Variants in UPF3B observed in about 807,000 individuals in gnomAD.
The protein encoded by UPF3B is regulator of nonsense transcripts 3B.
UPF3B carries 7 observed loss-of-function variants against 40.3 expected under a neutral mutation model. The ratio of observed to expected loss-of-function variants is 0.17; its 90% CI spans 0.10 to 0.33. The LOEUF is 0.33. Among genes scored for constraint, UPF3B ranks in the 10% least tolerant of loss-of-function variants. The probability of loss-of-function intolerance (pLI) is 1.00; values close to 1 mark genes in which losing one functional copy is unlikely to be tolerated. For synonymous variants in UPF3B, 117 were observed against 117.3 expected (o/e 1.00, Z 0.01); for missense variants, 229 against 358.9 (o/e 0.64, Z 2.93).
chrX:119,838,140 A>G, intron 9 of UPF3B, 89 bp from the exon 10 acceptor site: 1 of 1,114,597 alleles, frequency 9.0e-7, no homozygotes, highest in Non-Finnish European at 1.2e-6. Context: ...GGCCCCTGCA[A>G]TGAGGTTGCA....
At chrX:119,851,949 A>C in intron 1 of UPF3B, 76 bp from the exon 2 acceptor site, 1 of 696,566 alleles carries the variant, frequency 1.4e-6, no homozygotes, top group South Asian at 2.4e-5. Context: ...ACAGTTCCTG[A>C]AGAAGGCTGG....
chrX:119,840,862 T>C (rs2056152895), intron 7 of UPF3B, among the ~76,000 whole-genome samples, 178 bp from the exon 8 acceptor site: 2 of 111,996 alleles, frequency 1.8e-5, no homozygotes, highest in Non-Finnish European at 3.8e-5. Context: ...AGATCTGCAC[T>C]GAAGAAATAA....
chrX:119,828,078 G>C (rs761256873), intron 3 of UPF3B, among the ~76,000 whole-genome samples: 3 of 107,612 alleles, frequency 2.8e-5, no homozygotes, highest in Non-Finnish European at 5.8e-5. Context: ...TTTCGAGCCG[G>C]AGTCTCGCTC....
chrX:119,831,794 A>G (rs929453726), downstream of UPF3B: 1 of 584,127 alleles, frequency 1.7e-6, no homozygotes, highest in African/African-American at 2.5e-5. Flanking sequence ...TGTTACAACA[A>G]TGCTACTAAG....
intron 1 of UPF3B, among the ~76,000 whole-genome samples, 178 bp downstream of exon 1, chrX:119,852,595 G>A (rs1441460089): frequency 1.8e-5 from 2 of 112,545 alleles, no homozygotes; most frequent in Non-Finnish European, 3.8e-5. Flanking sequence ...CCAGGATTTG[G>A]CCGGGAGGGG....
At chrX:119,831,680 T>C (rs1293286132), downstream of UPF3B, 1 of 752,500 alleles carries the variant, frequency 1.3e-6, no homozygotes, top group African/African-American at 2.3e-5. Context: ...TGAGTATCTA[T>C]AGTTGGTGCT....
rs181870350 is a variant in UPF3B, at chrX:119,825,394, A to C, written c.393-2351T>G. Among the ~76,000 whole-genome samples, 361 of 111,739 alleles carry C rather than the reference A, an allele frequency of 3.2e-3. 1 individual carries two copies. The highest frequency in any genetic ancestry group is 5.5e-3 in the Non-Finnish European group (294 of 53,127). ...CTAGACACATGAGGATTACAATTCA[A>C]GATGAGATTTGGGTGGGTATACACA... is the stretch of plus-strand genomic sequence containing the variant. On this transcript the variant is annotated intron_variant, in intron 3 of 6. Transcript: ENST00000636792.
chrX:119,836,706 A>G (rs1375398152), intron 10 of UPF3B, among the ~76,000 whole-genome samples: 1 of 105,518 alleles, frequency 9.5e-6, no homozygotes, highest in East Asian at 3.0e-4. Context: ...GCTGGAGTGC[A>G]GTGACGCGAT....
In UPF3B at chrX:119,846,847, G is replaced by A. The variant is rs186608077; in HGVS notation, c.371-1551C>T. On this transcript the variant is annotated intron_variant, in intron 3 of 10. Coordinates refer to ENST00000276201, the MANE Select transcript of UPF3B (RefSeq NM_080632.3). Reference sequence around the variant, plus strand: ...CAACAGAGTGAAAAGGCAACCCATGGAATGGGAGAAATATTTGCAAATTAT... The same window carrying A: ...CAACAGAGTGAAAAGGCAACCCATGAAATGGGAGAAATATTTGCAAATTAT... Among the ~76,000 whole-genome samples the A allele has an allele frequency of 3.1e-3, 351 of 112,313 alleles. 3 individuals are homozygous for A. Among genetic ancestry groups the A allele is most frequent in the African/African-American group, 0.01 (325 of 31,066 alleles).
At position 119,823,589 on chromosome X, in the gene UPF3B, A is replaced by T. The variant is rs779753360; in HGVS notation, c.393-546T>A. Among the ~76,000 whole-genome samples, 15 of 82,630 alleles carry T rather than the reference A, an allele frequency of 1.8e-4. No individual in the cohort carries two copies. In the East Asian group the frequency reaches 6.0e-3, roughly 33 times the overall value. 71.8% of individuals were successfully genotyped at this position (82,630 alleles called of 115,157 possible). On this transcript the variant is annotated intron_variant, in intron 3 of 6. Coordinates refer to the UPF3B transcript ENST00000636792. ...TTTTTTTTTTTTTTGTCTGAGACAG[A>T]GTCTTGCTCTGTTGCCCAGACTGGA...
chrX:119,849,191 C>G (rs1343791561), intron 3 of UPF3B, among the ~76,000 whole-genome samples: 1 of 111,731 alleles, frequency 9.0e-6, no homozygotes, highest in African/African-American at 3.3e-5. Flanking sequence ...ATCAGATTAG[C>G]TTCAAAACTG....
chrX:119,852,706 T>C lies in UPF3B; in HGVS notation c.156+67A>G. 2.5e-6 allele frequency: 3 copies of C among 1,199,517 alleles called. No individual in the cohort carries two copies. The Admixed American group carries it at 6.5e-5, about 26-fold the overall frequency. On this transcript the variant is annotated intron_variant, in intron 1 of 10. Coordinates refer to ENST00000276201, the MANE Select transcript of UPF3B (RefSeq NM_080632.3). ...TGAGAAAGAAAGGGGGCAGCCCCAT[T>C]CCCAGCCATCCTCCCCGCGCTGCGG...
At chrX:119,806,863 T>C (rs770879983) in intron 6 of UPF3B, among the ~76,000 whole-genome samples, 1 of 108,010 alleles carries the variant, frequency 9.3e-6, no homozygotes, top group African/African-American at 3.4e-5. Flanking sequence ...ACCCCATGTC[T>C]ACTAAAAATA....
intron 6 of UPF3B, among the ~76,000 whole-genome samples, chrX:119,807,052 GAA>G (rs1214036764): frequency 3.5e-4 from 24 of 67,903 alleles, no homozygotes; most frequent in African/African-American, 1.3e-3. Flanking sequence ...AAAAAAAAAA[GAA>G]AAAAAAAAAA....
At position 119,834,773 on chromosome X, in the gene UPF3B, G is replaced by T; in HGVS notation, c.*105C>A. The T allele has an allele frequency of 8.3e-7, 1 of 1,205,629 alleles. No homozygotes were observed. Among genetic ancestry groups the T allele is most frequent in the Non-Finnish European group, 1.1e-6 (1 of 894,686 alleles). ...CTGCAGTGTACCCCACCAGCACAGCGGCTCCCTTTCTCTCTATTCTTTGCC... is the reference window on the plus strand; with the variant it reads ...CTGCAGTGTACCCCACCAGCACAGCTGCTCCCTTTCTCTCTATTCTTTGCC... On this transcript the variant is annotated 3_prime_UTR_variant, in exon 11 of 11. Transcript: ENST00000276201.
chrX:119,835,046 T>C lies in UPF3B; in HGVS notation c.1303-19A>G, dbSNP rs1780498053. On this transcript the variant is annotated intron_variant, in intron 10 of 10. Coordinates refer to ENST00000276201, the MANE Select transcript of UPF3B (RefSeq NM_080632.3). ...GACGATCCTGAAGTACAATAAAATA[T>C]GTTACCATTACAACAATGCTACTAA... 1 of 1,208,384 alleles carries C rather than the reference T, an allele frequency of 8.3e-7. No homozygotes were observed.
chrX:119,847,303 T>A (rs1420012167), intron 3 of UPF3B, among the ~76,000 whole-genome samples: 6 of 110,968 alleles, frequency 5.4e-5, no homozygotes, highest in African/African-American at 1.6e-4. Flanking sequence ...AAAAATTAGC[T>A]GGGTGTGGTG....
At chrX:119,818,468 C>A (rs771187876) in intron 4 of UPF3B, among the ~76,000 whole-genome samples, 71 of 110,856 alleles carry the variant, frequency 6.4e-4, no homozygotes, top group Non-Finnish European at 1.3e-3. Context: ...GTAATTCCAA[C>A]TACTTGGGAG....
At chrX:119,825,947 T>G (rs1465551760) in intron 3 of UPF3B, among the ~76,000 whole-genome samples, 1 of 110,494 alleles carries the variant, frequency 9.1e-6, no homozygotes, top group Non-Finnish European at 1.9e-5. Flanking sequence ...TCACTTGAGG[T>G]CCAGAGTTTG....
Sources: gnomAD v4.1 joint callset for allele counts (sites outside exome capture counted in the v4.1 genomes callset) on GRCh38, gnomAD v4.1.1 for gene constraint, MANE v1.5 for transcripts, NCBI Gene and HGNC (gene_info 2026-07-23, HGNC 2026-07-21) for gene names.